The following CSMD2 variants were observed in gnomAD, a reference collection of about 807,000 sequenced individuals.
The protein encoded by CSMD2 is CUB and sushi domain-containing protein 2.
Under a neutral mutation model 398.5 loss-of-function variants are expected in CSMD2, and 130 were observed. The ratio of observed to expected loss-of-function variants is 0.33; its 90% CI spans 0.28 to 0.38. The LOEUF (loss-of-function observed/expected upper bound fraction) is 0.38, where lower values mean the gene tolerates loss of function less well. Ranked by LOEUF, CSMD2 falls within the 10% of genes least tolerant of loss-of-function variation. The pLI is 1.00. For synonymous variants in CSMD2, 1,828 were observed against 1,908.5 expected, an observed-to-expected ratio of 0.96 and a Z score of 1.10; for missense variants, 3,829 against 4,764.9, an observed-to-expected ratio of 0.80 and a Z score of 5.78.
intron 15 of CSMD2, among the ~76,000 whole-genome samples, chr1:33,737,517 A>C (rs1271799576): frequency 2.0e-5 from 3 of 152,200 alleles, no homozygotes; most frequent in Admixed American, 2.0e-4. Flanking sequence ...ACAACTCTTC[A>C]AGCGGGTTCC....
At chr1:33,902,177 G>T (rs1642800197) in intron 5 of CSMD2, among the ~76,000 whole-genome samples, 1 of 152,130 alleles carries the variant, frequency 6.6e-6, no homozygotes, top group African/African-American at 2.4e-5. Flanking sequence ...CACAGGATAA[G>T]TCCTAGAGGG....
chr1:33,542,068 G>A (rs1040496600), intron 58 of CSMD2, among the ~76,000 whole-genome samples: 2 of 152,116 alleles, frequency 1.3e-5, no homozygotes, highest in African/African-American at 4.8e-5. Context: ...AACTTGACAC[G>A]GGATTTCAGA....
chr1:33,605,335 G>A lies in CSMD2; in HGVS notation c.6479C>T (p.Thr2160Met), dbSNP rs761305041. 1.6e-5 allele frequency: 26 copies of A among 1,614,052 alleles called. No individual in the cohort carries two copies. The highest frequency in any genetic ancestry group is 6.7e-5 in the East Asian group (3 of 44,898). Residue 2160 changes from threonine to methionine, a missense_variant, in exon 42 of 71, where the codon ACG (threonine) becomes ATG (methionine). Coordinates refer to ENST00000373381, the MANE Select transcript of CSMD2 (RefSeq NM_001281956.2). ...GYQLTGHPVL[T>M]CQHGTNRNWD... ...GTTCCGGTTGGTGCCATGTTGACAC[G>A]TGAGGACAGGGTGGCCAGTCAATTG... is the stretch of plus-strand genomic sequence containing the variant.
chr1:33,691,804 CCTAT>C (rs1194407565), intron 25 of CSMD2, among the ~76,000 whole-genome samples: 2 of 152,262 alleles, frequency 1.3e-5, no homozygotes, highest in East Asian at 1.9e-4. Context: ...ATACTTTACC[CCTAT>C]CTATCTCCCA....
intron 5 of CSMD2, among the ~76,000 whole-genome samples, chr1:33,887,569 C>G (rs900283860): frequency 1.9e-4 from 29 of 152,114 alleles, no homozygotes; most frequent in Non-Finnish European, 3.5e-4. Context: ...AAAAATAACA[C>G]TACTTAATAA....
chr1:33,852,743 G>C (rs1196258805), intron 5 of CSMD2, among the ~76,000 whole-genome samples: 3 of 152,218 alleles, frequency 2.0e-5, no homozygotes, highest in Non-Finnish European at 4.4e-5. Flanking sequence ...CTGGTGCACA[G>C]CACAGTGCCT....
intron 38 of CSMD2, 57 bp downstream of exon 38, chr1:33,617,441 TG>T: frequency 7.4e-7 from 1 of 1,355,322 alleles, no homozygotes; most frequent in Non-Finnish European, 1.1e-6. Flanking sequence ...GGTGTAAGGC[TG>T]GCCAACCACA....
intron 2 of CSMD2, among the ~76,000 whole-genome samples, chr1:34,054,369 C>T (rs1486158039): frequency 6.6e-6 from 1 of 152,108 alleles, no homozygotes; most frequent in African/African-American, 2.4e-5. Flanking sequence ...ATCTAGAGAA[C>T]TTGCACTAAA....
At chr1:33,795,924 T>C (rs918232607) in intron 10 of CSMD2, among the ~76,000 whole-genome samples, 2 of 152,240 alleles carry the variant, frequency 1.3e-5, no homozygotes, top group Non-Finnish European at 2.9e-5. Context: ...GTGGTTACCA[T>C]CTAGAACAAA....
At chr1:33,622,704 C>CT (rs1420355040) in intron 36 of CSMD2, among the ~76,000 whole-genome samples, 1 of 152,214 alleles carries the variant, frequency 6.6e-6, no homozygotes, top group Non-Finnish European at 1.5e-5. Context: ...CTGGGCACAC[C>CT]TATACACCAC....
At chr1:33,848,367 G>A (rs1638439222) in intron 5 of CSMD2, among the ~76,000 whole-genome samples, 1 of 152,168 alleles carries the variant, frequency 6.6e-6, no homozygotes, top group Non-Finnish European at 1.5e-5. Flanking sequence ...ATCAAGAGGA[G>A]GCAAAGAATG....
At chr1:33,693,633 G>A (rs1308816050) in intron 24 of CSMD2, among the ~76,000 whole-genome samples, 1 of 152,124 alleles carries the variant, frequency 6.6e-6, no homozygotes, top group Non-Finnish European at 1.5e-5. Context: ...ATAAAAACTT[G>A]AACATGAATG....
At position 33,995,667 on chromosome 1, in the gene CSMD2, AT is replaced by A. The variant is rs567176034; in HGVS notation, c.517+36926del. On this transcript the variant is annotated intron_variant, in intron 3 of 70. Coordinates refer to ENST00000373381, the MANE Select transcript of CSMD2 (RefSeq NM_001281956.2). ...GTCCCCACTTCTGAACCACCCCCTC[AT>A]GAGTTTGTTCAAATTCAGCTTCCAG... is the stretch of plus-strand genomic sequence containing the variant. Among the ~76,000 whole-genome samples the A allele has an allele frequency of 1.3e-3, 194 of 152,274 alleles. 2 individuals are homozygous for A. The South Asian group carries it at 0.014, about 11-fold the overall frequency.
intron 1 of CSMD2, among the ~76,000 whole-genome samples, chr1:34,102,099 C>T (rs960973592): frequency 2.0e-5 from 3 of 151,890 alleles, no homozygotes; most frequent in Admixed American, 2.0e-4. Flanking sequence ...GGCCCCATCT[C>T]AGCTCACTGC....
At chr1:33,997,961 C>T (rs1413525502) in intron 3 of CSMD2, among the ~76,000 whole-genome samples, 1 of 152,164 alleles carries the variant, frequency 6.6e-6, no homozygotes, top group Non-Finnish European at 1.5e-5. Context: ...CCCTGAGGTG[C>T]AGACCAAGGA....
Position 33,820,537 on chromosome 1 carries a change from G to T in CSMD2, c.1131C>A (p.Ser377=). 1 of 1,461,128 alleles carries T rather than the reference G, an allele frequency of 6.8e-7. No individual in the cohort carries two copies. The highest frequency in any genetic ancestry group is 9.5e-7 in the Non-Finnish European group (1 of 1,053,986). The allele number at this position is 1,461,128 out of a possible 1,614,324, so 90.5% of individuals were successfully genotyped here. A position where few individuals can be genotyped will look rare whatever the true frequency, so the allele number is the denominator to read the frequency against. The part of the protein sequence containing the change: ...KTSVLTQVGV[S]QGHNMCPDPG... Reference sequence around the variant, plus strand: ...GGTCTGGACACATATTATGTCCTTGGGACACACCAACCTGAGTTACTACAA... The same window carrying T: ...GGTCTGGACACATATTATGTCCTTGTGACACACCAACCTGAGTTACTACAA... The change falls in exon 8 of 71, where the codon TCC becomes TCA. Residue 377 remains serine, a synonymous_variant. Transcript: ENST00000373381.
In CSMD2 at chr1:33,515,914, T is replaced by G. The variant is rs1225990864; in HGVS notation, c.*710A>C. ...CTTTTTAATCCACTGGGTTTAGAACTCAATAAAACAGTGTTTGAAAAAAAT... is the reference window on the plus strand; with the variant it reads ...CTTTTTAATCCACTGGGTTTAGAACGCAATAAAACAGTGTTTGAAAAAAAT... On this transcript the variant is annotated 3_prime_UTR_variant, in exon 71 of 71. Transcript: ENST00000373381. 6.6e-6 allele frequency: 1 copy of G among 152,192 alleles called. No individual in the cohort carries two copies. Among genetic ancestry groups the G allele is most frequent in the Non-Finnish European group, 1.5e-5 (1 of 68,034 alleles). The allele number at this position is 152,192 out of a possible 1,614,324, so 9.4% of individuals were successfully genotyped here.
intron 5 of CSMD2, among the ~76,000 whole-genome samples, chr1:33,859,256 G>C (rs1639316236): frequency 6.6e-6 from 1 of 152,198 alleles, no homozygotes; most frequent in African/African-American, 2.4e-5. Flanking sequence ...AGCCCCTCTG[G>C]TGGCACTAGG....
At chr1:33,603,478 G>C (rs965368164) in intron 42 of CSMD2, among the ~76,000 whole-genome samples, 3 of 152,198 alleles carry the variant, frequency 2.0e-5, no homozygotes, top group African/African-American at 7.2e-5. Flanking sequence ...ACTGAGGAGA[G>C]AGAATCCCAA....
Sources: allele counts gnomAD v4.1 joint callset (sites outside exome capture counted in the v4.1 genomes callset), GRCh38; gene constraint gnomAD v4.1.1; transcripts MANE v1.5; gene names NCBI Gene and HGNC (gene_info 2026-07-23, HGNC 2026-07-21).